Variants in PLCB2 observed in about 807,000 individuals in gnomAD.
PLCB2 encodes 1-phosphatidylinositol 4,5-bisphosphate phosphodiesterase beta-2.
PLCB2 carries 115 observed loss-of-function variants against 141.7 expected under a neutral mutation model. The ratio of observed to expected loss-of-function variants is 0.81; its 90% CI spans 0.70 to 0.95. The LOEUF is 0.95. Among genes scored for constraint, PLCB2 ranks in the 40% least tolerant of loss-of-function variants. PLCB2 has a pLI of 0.00. For missense variants in PLCB2, 1,403 were observed against 1,541.1 expected (o/e 0.91, Z 1.50); for synonymous variants, 603 against 595.6 (o/e 1.01, Z -0.18).
intron 1 of PLCB2, among the ~76,000 whole-genome samples, chr15:40,305,125 C>G (rs2040726981): frequency 6.6e-6 from 1 of 151,402 alleles, no homozygotes; most frequent in Admixed American, 6.6e-5. Context: ...GATCCCCCAC[C>G]TTAAGCCTAG....
At chr15:40,296,417 GAA>G in intron 15 of PLCB2, 25 bp from the exon 16 acceptor site, 9 of 1,613,794 alleles carry the variant, frequency 5.6e-6, no homozygotes, top group Non-Finnish European at 7.6e-6. Flanking sequence ...GGAGGGCAAA[GAA>G]GAGGAGGATG....
intron 7 of PLCB2, chr15:40,300,779 C>A (rs1431734563): frequency 1.3e-5 from 2 of 152,082 alleles, no homozygotes; most frequent in Non-Finnish European, 2.9e-5. Context: ...TCCTTCCCCC[C>A]CCAAAAAAAA....
At chr15:40,285,594 G>T (rs2039599692), downstream of PLCB2, 2 of 985,394 alleles carry the variant, frequency 2.0e-6, no homozygotes, top group Non-Finnish European at 1.2e-6. Flanking sequence ...CCCAGGAATG[G>T]ATAGAGACTC....
Position 40,301,967 on chromosome 15 carries a change from G to C in PLCB2, c.572C>G (p.Pro191Arg). ...VEAALSACHL[P>R]KGKNDAINPE... is the part of the protein sequence containing the mutation. ...TGCAGATCCACTCACTTTGCCTTTG[G>C]GGAGGTGGCAGGCACTGAGAGCAGC... The change falls in exon 7 of 32, where the codon CCC (proline) becomes CGC (arginine). Residue 191 changes from proline (P) to arginine (R), a missense_variant. Pro to Arg is a moderately radical substitution (Grantham distance 103, BLOSUM62 -2). Transcript: ENST00000260402. 6.2e-7 allele frequency: 1 copy of C among 1,613,864 alleles called. No individual in the cohort carries two copies. Among genetic ancestry groups the C allele is most frequent in the Non-Finnish European group, 8.5e-7 (1 of 1,179,774 alleles).
At chr15:40,292,222 G>A in intron 22 of PLCB2, 64 bp from the exon 23 acceptor site, 1 of 1,521,380 alleles carries the variant, frequency 6.6e-7, no homozygotes, top group Non-Finnish European at 9.1e-7. Context: ...AGTCTCCCCT[G>A]TCCTCACCCA....
chr15:40,292,789 G>A (rs2040006016), intron 21 of PLCB2, 137 bp downstream of exon 21: 2 of 594,252 alleles, frequency 3.4e-6, no homozygotes, highest in Non-Finnish European at 6.1e-6. Context: ...TTCCTGGAGA[G>A]GTACTGTTCT....
In PLCB2 at chr15:40,297,629, G is replaced by A. The variant is rs2305649; in HGVS notation, c.1239-24C>T. 873,338 of 1,595,682 alleles carry A rather than the reference G, an allele frequency of 0.55. 246,131 individuals carry two copies. Among genetic ancestry groups the A allele is most frequent in the East Asian group, 0.87 (38,859 of 44,748 alleles). ...GTCTGCGGGGAGCAAAAGCGGGGAT[G>A]GGGTTCAGCCGCTCAGCACCAACCC... On this transcript the variant is annotated intron_variant, in intron 12 of 31. Transcript: ENST00000260402. This position sits in a 1 kb window ranked among gnomAD's most constrained non-coding sequence, Gnocchi z 4.2.
chr15:40,291,353 C>T lies in PLCB2; in HGVS notation c.2782G>A (p.Ala928Thr). ...GGCCCGAGCTCCGCCAGCTGCGCCGCGCCCCGCTGCAGCAGCTCCTCCCAG... is the reference window on the plus strand; with the variant it reads ...GGCCCGAGCTCCGCCAGCTGCGCCGTGCCCCGCTGCAGCAGCTCCTCCCAG... Reference protein sequence around the residue: ...RRWEELLQRGAAQLAELGPPG... With the variant: ...RRWEELLQRGTAQLAELGPPG... The change falls in exon 26 of 32, where the codon GCG becomes ACG. Residue 928 changes from alanine to threonine, a missense_variant. Coordinates refer to ENST00000260402, the MANE Select transcript of PLCB2 (RefSeq NM_004573.3). 6.6e-7 allele frequency: 1 copy of T among 1,525,086 alleles called. No homozygotes were observed. Among genetic ancestry groups the T allele is most frequent in the Non-Finnish European group, 8.7e-7 (1 of 1,142,926 alleles). The allele number at this position is 1,525,086 out of a possible 1,614,324, so 94.5% of individuals were successfully genotyped here.
chr15:40,296,829 G>A lies in PLCB2; in HGVS notation c.1403C>T (p.Ser468Phe), dbSNP rs2141105478. 1 of 1,614,152 alleles carries A rather than the reference G, an allele frequency of 6.2e-7. No homozygotes were observed. Among genetic ancestry groups the A allele is most frequent in the Non-Finnish European group, 8.5e-7 (1 of 1,180,012 alleles). ...ILIKNKKNQF[S>F]GPTSSSKDTG... ...ATCCTTACTGGAGGAGGTGGGGCCA[G>A]AAAACTGGTTCTTCTTGTTCTTGAT... The change falls in exon 14 of 32, where the codon TCT becomes TTT. Residue 468 changes from serine (S) to phenylalanine (F), a missense_variant. Around this residue, in one of 4 missense-constraint regions of PLCB2, gnomAD observed 975 missense variants for 1,141.1 expected, o/e 0.85. Coordinates refer to ENST00000260402, the MANE Select transcript of PLCB2 (RefSeq NM_004573.3).
intron 30 of PLCB2, 111 bp from the exon 31 acceptor site, chr15:40,289,469 A>G (rs2039733323): frequency 2.6e-6 from 2 of 777,832 alleles, no homozygotes; most frequent in Admixed American, 4.0e-5. Context: ...AAATTCCTTA[A>G]CATTAGGTAG....
Position 40,295,159 on chromosome 15 carries a change from C to G in PLCB2, c.1781+42G>C, listed in dbSNP as rs765705980. 7 of 1,609,424 alleles carry G rather than the reference C, an allele frequency of 4.3e-6. No homozygotes were observed. In the South Asian group the frequency reaches 7.7e-5, roughly 18 times the overall value. On this transcript the variant is annotated intron_variant, in intron 17 of 31. Transcript: ENST00000260402. ...GTCCCCAGGCCCTCCTCTGGCTCCC[C>G]ACCCAAGCCAAGGACCCTGGCCACT...
chr15:40,289,452 T>C, intron 30 of PLCB2, 94 bp from the exon 31 acceptor site: 1 of 902,062 alleles, frequency 1.1e-6, no homozygotes, highest in Non-Finnish European at 1.8e-6. Flanking sequence ...GTTGTAAGAC[T>C]TTGGGCAAAT....
downstream of PLCB2, among the ~76,000 whole-genome samples, chr15:40,287,679 A>AG (rs1566865772): frequency 6.6e-6 from 1 of 152,054 alleles, no homozygotes; most frequent in African/African-American, 2.4e-5. Context: ...GGGGGCGAAG[A>AG]GGGGGTGACA....
rs1403593963 is a variant in PLCB2 at position 40,291,119 on chromosome 15, G to A, written c.2935C>T (p.Arg979Cys). 2 of 1,577,348 alleles carry A rather than the reference G, an allele frequency of 1.3e-6. No individual in the cohort carries two copies. The highest frequency in any genetic ancestry group is 1.7e-6 in the Non-Finnish European group (2 of 1,169,662). Reference protein sequence around the residue: ...PGEGPEGVDGRVRELKDRLEL... With the variant: ...PGEGPEGVDGCVRELKDRLEL... Reference sequence around the variant, plus strand: ...AGCCTGTCTTTCAGCTCCCGCACGCGCCCGTCCACGCCCTCAGGGCCCTCG... The same window carrying A: ...AGCCTGTCTTTCAGCTCCCGCACGCACCCGTCCACGCCCTCAGGGCCCTCG... The change falls in exon 27 of 32, where the codon CGC (arginine) becomes TGC (cysteine). Residue 979 changes from arginine to cysteine, a missense_variant. This residue lies in a region of PLCB2 where 290 missense variants were observed against 245.9 expected (regional missense o/e 1.18). Transcript: ENST00000260402.
chr15:40,285,601 A>T (rs2039599757), downstream of PLCB2: 3 of 984,502 alleles, frequency 3.0e-6, no homozygotes, highest in Non-Finnish European at 3.6e-6. Flanking sequence ...ATGGATAGAG[A>T]CTCTCCACCC....
At position 40,291,845 on chromosome 15, in the gene PLCB2, A is replaced by G; in HGVS notation, c.2602+4T>C. On this transcript the variant is annotated splice_donor_region_variant and intron_variant, in intron 24 of 31. Transcript: ENST00000260402. ...CCAGTAGGTGTGCGGACCGAAGCTC[A>G]TACCTGGTGACCCATTGCTCGTTGG... 6.2e-7 allele frequency: 1 copy of G among 1,613,262 alleles called. No homozygotes were observed. Among genetic ancestry groups the G allele is most frequent in the Non-Finnish European group, 8.5e-7 (1 of 1,179,162 alleles).
chr15:40,295,380 G>A (rs1386509489), intron 16 of PLCB2, 95 bp from the exon 17 acceptor site: 2 of 808,724 alleles, frequency 2.5e-6, no homozygotes, highest in African/African-American at 3.4e-5. Flanking sequence ...CTGGCCTATA[G>A]AGATGCCTCC....
Position 40,294,299 on chromosome 15 carries a change from G to A in PLCB2, c.2028C>T (p.Ile676=), listed in dbSNP as rs770073484. 3.0e-5 allele frequency: 49 copies of A among 1,613,908 alleles called. No individual in the cohort carries two copies. Among genetic ancestry groups the A allele is most frequent in the African/African-American group, 9.3e-5 (7 of 74,920 alleles). The part of the protein sequence containing the change: ...KQFNPFSVDR[I]DVVVATTLSI... ...AAAGGGTGGTGGCCACCACCACGTC[G>A]ATGCGGTCCACTGAGAAGGGGTTGA... Residue 676 remains isoleucine (I), a synonymous_variant, in exon 19 of 32, where the codon ATC becomes ATT. Coordinates refer to ENST00000260402, the MANE Select transcript of PLCB2 (RefSeq NM_004573.3).
chr15:40,294,919 C>A lies in PLCB2; in HGVS notation c.1906+17G>T, dbSNP rs1412264969. On this transcript the variant is annotated intron_variant, in intron 18 of 31. Transcript: ENST00000260402. ...GGGACCAGGGAAGGATTCTTAGGGG[C>A]CTGGGAATGCCCTCACCCATCGTCT... 3 of 1,613,996 alleles carry A rather than the reference C, an allele frequency of 1.9e-6. No individual in the cohort carries two copies. The East Asian group carries it at 6.7e-5, about 36-fold the overall frequency.
Sources: gnomAD v4.1 joint callset for allele counts (sites outside exome capture counted in the v4.1 genomes callset) on GRCh38, gnomAD v4.1.1 for gene constraint, gnomAD v4.1.1 regional missense constraint, Gnocchi (gnomAD v3.1) non-coding constraint, MANE v1.5 for transcripts, NCBI Gene and HGNC (gene_info 2026-07-23, HGNC 2026-07-21) for gene names.